The following CMIP variants were observed in gnomAD, a reference collection of about 807,000 sequenced individuals.
CMIP encodes the protein C-Maf-inducing protein.
Under a neutral mutation model 97.3 loss-of-function variants are expected in CMIP, and 13 were observed. That is an observed-to-expected ratio of 0.13 (90% CI 0.09 to 0.21). The LOEUF is 0.21. CMIP is among the 10% of genes least tolerant of loss of function. CMIP has a pLI of 1.00. For synonymous variants in CMIP, 538 were observed against 436.3 expected, an observed-to-expected ratio of 1.23 and a Z score of -2.91; for missense variants, 847 against 1,024.9, an observed-to-expected ratio of 0.83 and a Z score of 2.37.
At chr16:81,463,525 G>A (rs985554120) in intron 1 of CMIP, among the ~76,000 whole-genome samples, 3 of 152,240 alleles carry the variant, frequency 2.0e-5, no homozygotes, top group Admixed American at 1.3e-4. Context: ...CGTGCTGTGC[G>A]CATGGAGTCC....
chr16:81,616,716 C>G lies in CMIP; in HGVS notation c.427-4160C>G, dbSNP rs887514338. ...TGTGGCTGGGGAAGGGGGTCACACCCTCCTATGGGAGGAAAGGCTTGGAAA... is the reference window on the plus strand; with the variant it reads ...TGTGGCTGGGGAAGGGGGTCACACCGTCCTATGGGAGGAAAGGCTTGGAAA... On this transcript the variant is annotated intron_variant, in intron 2 of 20. Transcript: ENST00000537098. This position sits in a 1 kb window ranked among gnomAD's most constrained non-coding sequence, Gnocchi z 4.7. Among the ~76,000 whole-genome samples the G allele has an allele frequency of 6.6e-6, 1 of 152,184 alleles. No individual in the cohort carries two copies. The highest frequency in any genetic ancestry group is 2.4e-5 in the African/African-American group (1 of 41,456).
intron 1 of CMIP, among the ~76,000 whole-genome samples, chr16:81,515,192 T>G (rs1021665336): frequency 6.6e-6 from 1 of 152,156 alleles, no homozygotes. Flanking sequence ...AGAAACCTAC[T>G]GGGGGCTGTG....
chr16:81,551,015 C>G (rs1274398709), intron 1 of CMIP, among the ~76,000 whole-genome samples: 9 of 148,400 alleles, frequency 6.1e-5, no homozygotes, highest in African/African-American at 2.3e-4. Context: ...CACACGCACC[C>G]CAGTTCATCA....
At chr16:81,459,324 C>G (rs1311038670) in intron 1 of CMIP, among the ~76,000 whole-genome samples, 3 of 152,190 alleles carry the variant, frequency 2.0e-5, no homozygotes, top group Non-Finnish European at 4.4e-5. Flanking sequence ...TCAAGGGAAG[C>G]TCTTCTTGGG....
Position 81,711,691 on chromosome 16 carries a change from A to G in CMIP, c.*1892A>G, listed in dbSNP as rs1908796923. On this transcript the variant is annotated 3_prime_UTR_variant, in exon 21 of 21. Transcript: ENST00000537098. ...GTTGCTTTTCCTGATGGTTAATACT[A>G]CTGTCACGTAGCTGTGTACAAAGAG... The G allele has an allele frequency of 6.6e-6, 1 of 152,524 alleles. No homozygotes were observed. The highest frequency in any genetic ancestry group is 6.5e-5 in the Admixed American group (1 of 15,290). The allele number at this position is 152,524 out of a possible 1,614,324, so 9.4% of individuals were successfully genotyped here.
At chr16:81,673,960 G>A (rs902114898) in intron 9 of CMIP, among the ~76,000 whole-genome samples, 8 of 152,190 alleles carry the variant, frequency 5.3e-5, no homozygotes, top group African/African-American at 2.4e-5. Context: ...ATTCTGAGTC[G>A]CTGAAAACCT....
At chr16:81,610,201 A>C (rs2091808327) in intron 2 of CMIP, 1 of 445,652 alleles carries the variant, frequency 2.2e-6, no homozygotes, top group Non-Finnish European at 3.0e-6. Flanking sequence ...AAAAGCAGAG[A>C]AGCAGTGCCT....
chr16:81,481,880 C>CTT (rs768919033), intron 1 of CMIP, among the ~76,000 whole-genome samples: 2,424 of 136,558 alleles, frequency 0.018, 91 homozygotes, highest in African/African-American at 0.063. Flanking sequence ...CCGCCTCCCT[C>CTT]TTTTTTTTTT....
chr16:81,543,176 C>T (rs553037173), intron 1 of CMIP, among the ~76,000 whole-genome samples: 48 of 152,276 alleles, frequency 3.2e-4, no homozygotes, highest in African/African-American at 1.1e-3. Context: ...TCCAGGTGAG[C>T]GCATCTGAGA....
chr16:81,703,614 G>GACAC (rs148131414), intron 17 of CMIP, among the ~76,000 whole-genome samples: 1 of 151,124 alleles, frequency 6.6e-6, no homozygotes, highest in Non-Finnish European at 1.5e-5. Flanking sequence ...CACACACACA[G>GACAC]ACACACACAC....
chr16:81,612,395 G>A (rs2091846602), intron 2 of CMIP, among the ~76,000 whole-genome samples: 1 of 152,176 alleles, frequency 6.6e-6, no homozygotes, highest in African/African-American at 2.4e-5. Flanking sequence ...AGGAGGCGGG[G>A]CAACTGTTTA....
intron 11 of CMIP, 101 bp from the exon 12 acceptor site, chr16:81,693,057 C>G (rs944716007): frequency 5.0e-6 from 4 of 805,370 alleles, no homozygotes; most frequent in Non-Finnish European, 8.3e-6. Context: ...TTCTTTGAAT[C>G]AGACATAAAG....
chr16:81,458,321 G>T (rs1028254684), intron 1 of CMIP, among the ~76,000 whole-genome samples: 3 of 152,182 alleles, frequency 2.0e-5, no homozygotes, highest in African/African-American at 7.2e-5. Context: ...TGGCATGCAG[G>T]TTCTACCCGC....
intron 1 of CMIP, among the ~76,000 whole-genome samples, chr16:81,564,763 C>T (rs1412030486): frequency 4.6e-5 from 7 of 152,150 alleles, no homozygotes; most frequent in Admixed American, 2.6e-4. Flanking sequence ...GTCAGCAAGT[C>T]GGGCACACAA....
At chr16:81,630,247 A>G (rs2092136988) in intron 3 of CMIP, 1 of 152,248 alleles carries the variant, frequency 6.6e-6, no homozygotes, top group South Asian at 2.1e-4. Flanking sequence ...TTCTTCTCTG[A>G]TCTACAAGGA....
At chr16:81,464,336 C>T (rs905891995) in intron 1 of CMIP, 7 of 152,232 alleles carry the variant, frequency 4.6e-5, no homozygotes, top group Admixed American at 6.5e-5. Context: ...ACATCTGGTC[C>T]GATGGGGCAG....
At chr16:81,454,197 C>T (rs1196034667) in intron 1 of CMIP, among the ~76,000 whole-genome samples, 2 of 152,168 alleles carry the variant, frequency 1.3e-5, no homozygotes, top group Admixed American at 6.5e-5. Context: ...CTGGTTGCAA[C>T]GATATTTATC....
chr16:81,668,556 C>T (rs1017718877), intron 7 of CMIP, among the ~76,000 whole-genome samples: 4 of 152,162 alleles, frequency 2.6e-5, no homozygotes, highest in Non-Finnish European at 4.4e-5. Context: ...CCGGCACAGG[C>T]AGTGTCCCTG....
intron 1 of CMIP, among the ~76,000 whole-genome samples, chr16:81,592,698 A>G (rs1275961873): frequency 1.3e-5 from 2 of 152,190 alleles, no homozygotes; most frequent in African/African-American, 4.8e-5. Flanking sequence ...ACCGAGGCCC[A>G]CTGCTTGATG....
Sources: gnomAD v4.1 joint callset for allele counts (sites outside exome capture counted in the v4.1 genomes callset) on GRCh38, gnomAD v4.1.1 for gene constraint, Gnocchi (gnomAD v3.1) non-coding constraint, MANE v1.5 for transcripts, NCBI Gene and HGNC (gene_info 2026-07-23, HGNC 2026-07-21) for gene names.